ATF7: variants seen among roughly 807,000 people sequenced by gnomAD.
ATF7 encodes the protein cyclic AMP-dependent transcription factor ATF-7.
A neutral mutation model predicts 50.4 loss-of-function variants in ATF7; 10 were observed. The observed-to-expected ratio is 0.20, with a 90% CI of 0.12 to 0.34. ATF7 has a LOEUF of 0.34. ATF7 is among the 10% of genes least tolerant of loss of function. ATF7 has a pLI of 1.00. For missense variants in ATF7, 465 were observed against 613.9 expected (o/e 0.76, Z 2.56); for synonymous variants, 201 against 226.4 (o/e 0.89, Z 1.01).
chr12:53,583,320 T>C (rs1942525213), intron 2 of ATF7, among the ~76,000 whole-genome samples: 1 of 151,774 alleles, frequency 6.6e-6, no homozygotes, highest in South Asian at 2.1e-4. Flanking sequence ...CTGTGAACTG[T>C]GTATGTGAGG....
chr12:53,539,507 A>C (rs1939411871), intron 4 of ATF7, among the ~76,000 whole-genome samples: 1 of 152,006 alleles, frequency 6.6e-6, no homozygotes, highest in South Asian at 2.1e-4. Context: ...CAGCCTGTGC[A>C]ACATAGTGAG....
intron 2 of ATF7, among the ~76,000 whole-genome samples, chr12:53,583,041 A>G (rs148860552): frequency 1.3e-3 from 203 of 152,344 alleles, no homozygotes; most frequent in African/African-American, 4.2e-3. Context: ...CACATGCAAA[A>G]AAATGAATCT....
At chr12:53,575,742 C>T (rs1391527789) in intron 2 of ATF7, 1 of 156,356 alleles carries the variant, frequency 6.4e-6, no homozygotes, top group Non-Finnish European at 1.5e-5. Context: ...ATAAGTCACA[C>T]TTCACATACC....
chr12:53,542,059 G>A (rs549281084), intron 4 of ATF7, among the ~76,000 whole-genome samples: 1 of 150,288 alleles, frequency 6.7e-6, no homozygotes, highest in Admixed American at 6.7e-5. Context: ...GCTTGCCTTG[G>A]CCTCCCAAAG....
chr12:53,587,360 C>A (rs1295904968), intron 2 of ATF7, among the ~76,000 whole-genome samples: 5 of 47,612 alleles, frequency 1.1e-4, no homozygotes, highest in African/African-American at 2.4e-4. Context: ...GAGCGAAATT[C>A]CGCATCAAAA....
At chr12:53,517,582 C>T (rs1345829132) in intron 11 of ATF7, 1 of 561,620 alleles carries the variant, frequency 1.8e-6, no homozygotes, top group East Asian at 3.0e-5. Flanking sequence ...CTATCTATTC[C>T]AATAAAATGA....
intron 2 of ATF7, among the ~76,000 whole-genome samples, chr12:53,592,893 A>G (rs1330714830): frequency 6.6e-6 from 1 of 152,180 alleles, no homozygotes; most frequent in Non-Finnish European, 1.5e-5. Context: ...AAAAATAAAG[A>G]TATTTTGCTT....
Position 53,612,875 on chromosome 12 carries a change from G to A in ATF7, c.-21-11854C>T, listed in dbSNP as rs1021428178. 5.3e-5 allele frequency among the ~76,000 whole-genome samples: 8 copies of A among 152,144 alleles called. No homozygotes were observed. The East Asian group carries it at 1.2e-3, about 22-fold the overall frequency. On this transcript the variant is annotated intron_variant, in intron 1 of 11. Coordinates refer to ENST00000420353, the MANE Select transcript of ATF7 (RefSeq NM_006856.3). ...AAAAATTAGTTGGGCATGGTAGCGC[G>A]CACCTGTAGTCCCTGCTACTCGGGA...
rs774279932 is a variant in ATF7 at position 53,531,832 on chromosome 12, CCCA to C, written c.836_838del (p.Val279del). On this transcript the variant is annotated inframe_deletion, in exon 9 of 12. Transcript: ENST00000420353. ...GGCTGTCACCATGGTGCTGGCAGTACCCACCACCATTCCACAACCACCATTGAT... is the reference window on the plus strand; with the variant it reads ...GGCTGTCACCATGGTGCTGGCAGTACCCACCATTCCACAACCACCATTGAT... 1 of 1,613,376 alleles carries C rather than the reference CCCA, an allele frequency of 6.2e-7. No individual in the cohort carries two copies.
At chr12:53,623,224 C>T (rs1944473338) in intron 1 of ATF7, among the ~76,000 whole-genome samples, 1 of 151,982 alleles carries the variant, frequency 6.6e-6, no homozygotes, top group African/African-American at 2.4e-5. Context: ...GTCAAAAGAC[C>T]AACCGTCTTT....
intron 2 of ATF7, among the ~76,000 whole-genome samples, chr12:53,580,065 A>C (rs1252540132): frequency 6.6e-6 from 1 of 151,834 alleles, no homozygotes; most frequent in Non-Finnish European, 1.5e-5. Context: ...TGAGTAGTTG[A>C]GACTACAAGC....
At chr12:53,589,145 C>T (rs940845664) in intron 2 of ATF7, among the ~76,000 whole-genome samples, 1 of 152,072 alleles carries the variant, frequency 6.6e-6, no homozygotes, top group Non-Finnish European at 1.5e-5. Flanking sequence ...AATAAGGAAG[C>T]AATTTAGCAG....
intron 1 of ATF7, among the ~76,000 whole-genome samples, chr12:53,622,784 G>A (rs147106956): frequency 0.01 from 1,548 of 152,128 alleles, 5 homozygotes; most frequent in Non-Finnish European, 0.016. Flanking sequence ...AAGAGCCTGG[G>A]CAATGCAGGG....
chr12:53,619,461 T>A (rs1593008889), intron 1 of ATF7, among the ~76,000 whole-genome samples: 1 of 131,218 alleles, frequency 7.6e-6, no homozygotes, highest in South Asian at 2.3e-4. Context: ...CACTGCATCC[T>A]GGGAGACAGA....
intron 4 of ATF7, chr12:53,543,020 C>T (rs778747935): frequency 1.9e-5 from 24 of 1,244,118 alleles, no homozygotes; most frequent in Non-Finnish European, 2.4e-5. Context: ...TAATTTATCA[C>T]CTTTTAACAT....
chr12:53,600,583 C>T (rs1158652458), intron 2 of ATF7, among the ~76,000 whole-genome samples: 4 of 152,294 alleles, frequency 2.6e-5, no homozygotes, highest in Admixed American at 6.5e-5. Flanking sequence ...CTGCCCATCT[C>T]GGCCTCCCAA....
intron 9 of ATF7, among the ~76,000 whole-genome samples, chr12:53,530,891 G>C (rs1565925168): frequency 6.6e-6 from 1 of 152,126 alleles, no homozygotes. Context: ...TTACAGGCGT[G>C]AGCCACCTCA....
At chr12:53,574,179 C>G (rs1941927459) in intron 2 of ATF7, among the ~76,000 whole-genome samples, 1 of 152,050 alleles carries the variant, frequency 6.6e-6, no homozygotes, top group South Asian at 2.1e-4. Context: ...CTATGATTAA[C>G]ACAACAACAT....
rs2137306765 is a variant in ATF7, at chr12:53,517,110, C to G, written c.*27G>C. On this transcript the variant is annotated 3_prime_UTR_variant, in exon 12 of 12. Transcript: ENST00000420353. ...TGGCTCTTGGGCGGGCGAGCTCTGGCTGAGGACCTCTCCACCAGAGGAGGC... is the reference window on the plus strand; with the variant it reads ...TGGCTCTTGGGCGGGCGAGCTCTGGGTGAGGACCTCTCCACCAGAGGAGGC... 6.2e-7 allele frequency: 1 copy of G among 1,603,730 alleles called. No individual in the cohort carries two copies. Among genetic ancestry groups the G allele is most frequent in the Non-Finnish European group, 8.5e-7 (1 of 1,178,052 alleles).
Sources: allele counts gnomAD v4.1 joint callset (sites outside exome capture counted in the v4.1 genomes callset), GRCh38; gene constraint gnomAD v4.1.1; transcripts MANE v1.5; gene names NCBI Gene and HGNC (gene_info 2026-07-23, HGNC 2026-07-21).